GAL3ST1: variants seen among roughly 807,000 people sequenced by gnomAD.
GAL3ST1 encodes galactose-3-O-sulfotransferase 1.
GAL3ST1 carries 13 observed loss-of-function variants against 25.0 expected under a neutral mutation model. The ratio of observed to expected loss-of-function variants is 0.52; its 90% CI spans 0.34 to 0.83. The LOEUF is 0.83. Among genes scored for constraint, GAL3ST1 ranks in the 40% least tolerant of loss-of-function variants. The pLI is 0.02. For missense variants in GAL3ST1, 474 were observed against 613.6 expected (o/e 0.77, Z 2.40); for synonymous variants, 274 against 277.8 (o/e 0.99, Z 0.14).
At chr22:30,556,517 T>C (rs1227738362) in intron 3 of GAL3ST1, among the ~76,000 whole-genome samples, 2 of 152,166 alleles carry the variant, frequency 1.3e-5, no homozygotes, top group Non-Finnish European at 2.9e-5. Context: ...CAGGCTGTGC[T>C]GGGTCTGTGC....
chr22:30,555,781 C>G lies in GAL3ST1; in HGVS notation c.444G>C (p.Glu148Asp). The G allele has an allele frequency of 6.2e-7, 1 of 1,614,146 alleles. No individual in the cohort carries two copies. Reference sequence around the variant, plus strand: ...CGTTGGTCGGCACCAGGCCGCGCACCTCGTCGTAGTGGAAGCGCATGTGGT... The same window carrying G: ...CGTTGGTCGGCACCAGGCCGCGCACGTCGTCGTAGTGGAAGCGCATGTGGT... ...ICNHMRFHYD[E>D]VRGLVPTNAI... is the part of the protein sequence containing the mutation. Residue 148 changes from glutamate (E) to aspartate (D), a missense_variant, in exon 4 of 4, where the codon GAG (glutamate) becomes GAC (aspartate). Physicochemically the swap from Glu to Asp is conservative, Grantham distance 45. Around this residue, in one of 2 missense-constraint regions of GAL3ST1, gnomAD observed 359 missense variants for 504.4 expected, o/e 0.71. Transcript: ENST00000406361. The surrounding 1 kb of genome is among the most constrained non-coding windows in gnomAD (Gnocchi z 8.6).
rs1387080781 is a variant in GAL3ST1, at chr22:30,555,122, A to C, written c.1103T>G (p.Leu368Arg). The C allele has an allele frequency of 1.2e-6, 2 of 1,611,412 alleles. No homozygotes were observed. The highest frequency in any genetic ancestry group is 1.7e-6 in the Non-Finnish European group (2 of 1,179,572). ...GTAGCCCAGGATGGACTTGGTGCCC[A>C]GCGGCTGCCAGGGCTGCATGGCCTC... ...QDEAMQPWQP[L>R]GTKSILGYNL... The change falls in exon 4 of 4, where the codon CTG becomes CGG. Residue 368 changes from leucine to arginine, a missense_variant. Transcript: ENST00000406361. The surrounding 1 kb of genome is among the most constrained non-coding windows in gnomAD (Gnocchi z 8.6).
intron 1 of GAL3ST1, among the ~76,000 whole-genome samples, chr22:30,566,657 T>C (rs2086634415): frequency 6.6e-6 from 1 of 152,092 alleles, no homozygotes; most frequent in African/African-American, 2.4e-5. Flanking sequence ...TCGCCTAGGC[T>C]GGAGTGCAGT....
chr22:30,572,391 C>A (rs2086810380), intron 1 of GAL3ST1, among the ~76,000 whole-genome samples: 1 of 152,182 alleles, frequency 6.6e-6, no homozygotes, highest in South Asian at 2.1e-4. Context: ...GCTCCACCAC[C>A]CCCCAAGCTG....
At chr22:30,559,608 C>G (rs2528461) in intron 1 of GAL3ST1, among the ~76,000 whole-genome samples, 1 of 152,128 alleles carries the variant, frequency 6.6e-6, no homozygotes, top group Non-Finnish European at 1.5e-5. Context: ...TATTGAACTC[C>G]TGGACTCAAG....
intron 1 of GAL3ST1, among the ~76,000 whole-genome samples, chr22:30,563,593 G>A (rs2086518373): frequency 6.6e-6 from 1 of 152,072 alleles, no homozygotes; most frequent in Non-Finnish European, 1.5e-5. Flanking sequence ...TCCAGCCTGG[G>A]CTACAGAGCA....
chr22:30,570,196 G>A (rs1052404334), intron 1 of GAL3ST1, among the ~76,000 whole-genome samples: 2 of 152,206 alleles, frequency 1.3e-5, no homozygotes, highest in Admixed American at 6.5e-5. Flanking sequence ...GGTGGGGTGA[G>A]GTATCCCAGG....
chr22:30,565,513 C>T lies in GAL3ST1; in HGVS notation c.-119-7125G>A, dbSNP rs1180989463. Among the ~76,000 whole-genome samples, 6 of 152,308 alleles carry T rather than the reference C, an allele frequency of 3.9e-5. No individual in the cohort carries two copies. The East Asian group carries it at 1.2e-3, about 29-fold the overall frequency. On this transcript the variant is annotated intron_variant, in intron 1 of 3. Transcript: ENST00000406361. ...CCAGAAGAATGAACAACTAACTCAG[C>T]CTGGAAGGCTTCCAGGAGGCAGAGC...
In GAL3ST1 at chr22:30,554,793, G is replaced by T; in HGVS notation, c.*160C>A. The T allele has an allele frequency of 1.8e-6, 1 of 561,692 alleles. No homozygotes were observed. The highest frequency in any genetic ancestry group is 3.1e-6 in the Non-Finnish European group (1 of 322,244). 34.8% of individuals were successfully genotyped at this position (561,692 alleles called of 1,614,324 possible). ...CGGTTAGGCCCTCTCTGTGTTCATG[G>T]GCCCAGTCTTGGCTGGCTGCCTCCC... is the stretch of plus-strand genomic sequence containing the variant. On this transcript the variant is annotated 3_prime_UTR_variant, in exon 4 of 4. Transcript: ENST00000406361.
chr22:30,557,475 G>T lies in GAL3ST1; in HGVS notation c.-9-74C>A, dbSNP rs2086115400. The T allele has an allele frequency of 3.2e-6, 5 of 1,558,282 alleles. No individual in the cohort carries two copies. In the African/African-American group the frequency reaches 4.1e-5, roughly 13 times the overall value. On this transcript the variant is annotated intron_variant, in intron 2 of 3. Transcript: ENST00000406361. ...GGAGCCCCCAAGGCTGCCCAGGCCTGGCAGTTGAGCCCTGCCTTTGCCTGC... is the reference window on the plus strand; with the variant it reads ...GGAGCCCCCAAGGCTGCCCAGGCCTTGCAGTTGAGCCCTGCCTTTGCCTGC...
chr22:30,564,111 T>A (rs1020831058), intron 1 of GAL3ST1, among the ~76,000 whole-genome samples: 8 of 152,242 alleles, frequency 5.3e-5, no homozygotes, highest in Non-Finnish European at 1.0e-4. Flanking sequence ...ATACTCAACC[T>A]GTACCAGCTG....
chr22:30,566,385 T>C lies in GAL3ST1; in HGVS notation c.-119-7997A>G, dbSNP rs4149486. On this transcript the variant is annotated intron_variant, in intron 1 of 3. Coordinates refer to ENST00000406361, the MANE Select transcript of GAL3ST1 (RefSeq NM_001318104.2). ...ACCTGTCATGCATCATGCAGCCTCA[T>C]AGTCCTCTCTGGGGAGCTCTTGTTA... is the stretch of plus-strand genomic sequence containing the variant. Among the ~76,000 whole-genome samples the C allele has an allele frequency of 4.1e-3, 618 of 152,358 alleles. 14 individuals carry two copies. In the East Asian group the frequency reaches 0.073, roughly 18 times the overall value.
chr22:30,567,368 G>A (rs922913235), intron 1 of GAL3ST1, among the ~76,000 whole-genome samples: 1 of 152,126 alleles, frequency 6.6e-6, no homozygotes, highest in African/African-American at 2.4e-5. Context: ...AAACTCCTGG[G>A]CTCAAGAGAC....
chr22:30,560,491 C>G (rs1361976046), intron 1 of GAL3ST1: 1 of 152,188 alleles, frequency 6.6e-6, no homozygotes, highest in African/African-American at 2.4e-5. Context: ...GGGGGGCCTG[C>G]CTTCAACCCC....
At chr22:30,559,386 A>ATG (rs1568998709) in intron 1 of GAL3ST1, among the ~76,000 whole-genome samples, 1 of 151,866 alleles carries the variant, frequency 6.6e-6, no homozygotes, top group African/African-American at 2.4e-5. Context: ...GATTACAGGC[A>ATG]CACGCCACCA....
chr22:30,567,360 A>T (rs1305296815), intron 1 of GAL3ST1, among the ~76,000 whole-genome samples: 2 of 151,772 alleles, frequency 1.3e-5, no homozygotes, highest in East Asian at 3.9e-4. Context: ...GCAGCCTCAA[A>T]CTCCTGGGCT....
At position 30,555,610 on chromosome 22, in the gene GAL3ST1, G is replaced by A. The variant is rs776017691; in HGVS notation, c.615C>T (p.Asp205=). The change falls in exon 4 of 4, where the codon GAC becomes GAT. Residue 205 remains aspartate, a synonymous_variant. Coordinates refer to ENST00000406361, the MANE Select transcript of GAL3ST1 (RefSeq NM_001318104.2). This position sits in a 1 kb window ranked among gnomAD's most constrained non-coding sequence, Gnocchi z 8.6. ...GGTAGTGGGCATTGAAGCCGTTGGG[G>A]TCGTAGTAGCGATCCGGGTCTTGCA... ...EFLQDPDRYY[D]PNGFNAHYLR... 3 of 1,613,622 alleles carry A rather than the reference G, an allele frequency of 1.9e-6. No homozygotes were observed. The highest frequency in any genetic ancestry group is 2.5e-6 in the Non-Finnish European group (3 of 1,180,024).
chr22:30,559,442 T>C (rs1308508975), intron 1 of GAL3ST1, among the ~76,000 whole-genome samples: 1 of 152,130 alleles, frequency 6.6e-6, no homozygotes, highest in African/African-American at 2.4e-5. Context: ...AGTTTCACCA[T>C]GTTGGCCAGG....
intron 1 of GAL3ST1, among the ~76,000 whole-genome samples, chr22:30,566,649 G>A (rs957253818): frequency 1.3e-5 from 2 of 151,316 alleles, no homozygotes; most frequent in Non-Finnish European, 2.9e-5. Context: ...TCGCTCTGTC[G>A]CCTAGGCTGG....
Sources: gnomAD v4.1 joint callset for allele counts (sites outside exome capture counted in the v4.1 genomes callset) on GRCh38, gnomAD v4.1.1 for gene constraint, gnomAD v4.1.1 regional missense constraint, Gnocchi (gnomAD v3.1) non-coding constraint, MANE v1.5 for transcripts, NCBI Gene and HGNC (gene_info 2026-07-23, HGNC 2026-07-21) for gene names.